Variants in TBC1D7 observed in about 807,000 individuals in gnomAD.
TBC1D7 encodes the protein TBC domain family 7.
Under a neutral mutation model 35.3 loss-of-function variants are expected in TBC1D7, and 33 were observed. That is an observed-to-expected ratio of 0.93 (90% CI 0.71 to 1.25). TBC1D7 has a LOEUF of 1.25. TBC1D7 is among the 50% of genes most tolerant of loss of function. TBC1D7 has a pLI of 0.00. For missense variants in TBC1D7, 362 were observed against 365.3 expected, an observed-to-expected ratio of 0.99 and a Z score of 0.07; for synonymous variants, 135 against 129.5, an observed-to-expected ratio of 1.04 and a Z score of -0.29.
At chr6:13,317,326 G>T (rs141720577) in intron 4 of TBC1D7, among the ~76,000 whole-genome samples, 35 of 152,260 alleles carry the variant, frequency 2.3e-4, no homozygotes, top group Admixed American at 1.2e-3. Context: ...AATTTCAACA[G>T]AGAAATCTTA....
At chr6:13,312,164 T>G (rs367553398) in intron 5 of TBC1D7, among the ~76,000 whole-genome samples, 98 of 152,258 alleles carry the variant, frequency 6.4e-4, no homozygotes, top group African/African-American at 2.3e-3. Flanking sequence ...TATGCTTGAA[T>G]GAAGTGCTCA....
chr6:13,326,499 C>T (rs916830722), intron 2 of TBC1D7, among the ~76,000 whole-genome samples: 22 of 150,740 alleles, frequency 1.5e-4, no homozygotes, highest in Middle Eastern at 3.2e-3. Context: ...CCAGAGTTAT[C>T]GCAAATTTAC....
rs1783959071 is a variant in TBC1D7 at position 13,320,557 on chromosome 6, T to C, written c.381+351A>G. The C allele has an allele frequency of 1.1e-5, 6 of 571,088 alleles. No individual in the cohort carries two copies. The Admixed American group carries it at 2.0e-4, about 19-fold the overall frequency. 35.4% of individuals were successfully genotyped at this position (571,088 alleles called of 1,614,324 possible). On this transcript the variant is annotated intron_variant, in intron 4 of 7. Transcript: ENST00000379300. ...GCTTAAAGCTACTTAGCACCTACAA[T>C]TTTTTATTTTTTAACTTTTTAAATA...
At chr6:13,308,510 C>T (rs1330794817) in intron 5 of TBC1D7, among the ~76,000 whole-genome samples, 1 of 152,172 alleles carries the variant, frequency 6.6e-6, no homozygotes, top group African/African-American at 2.4e-5. Flanking sequence ...AAGCCAGCTC[C>T]CCAAACCTGG....
At position 13,305,129 on chromosome 6, in the gene TBC1D7, T is replaced by C. The variant is rs772512962; in HGVS notation, c.854A>G (p.His285Arg). ...VSKAIDLWHK[H>R]CGTPVHSS ...GCTTGAATGGACCGGGGTCCCACAG[T>C]GTTTGTGCCACAAGTCAATGGCCTT... The change falls in exon 8 of 8, where the codon CAC becomes CGC. Residue 285 changes from histidine (H) to arginine (R), a missense_variant. Transcript: ENST00000379300. 1.2e-6 allele frequency: 2 copies of C among 1,613,832 alleles called. No homozygotes were observed. The highest frequency in any genetic ancestry group is 1.7e-6 in the Non-Finnish European group (2 of 1,179,878).
chr6:13,327,053 A>G, intron 1 of TBC1D7, 147 bp from the exon 2 acceptor site: 2 of 514,028 alleles, frequency 3.9e-6, no homozygotes, highest in South Asian at 2.8e-5. Context: ...ACCCAATATT[A>G]AATTTTTCCT....
rs1783644378 is a variant in TBC1D7 at position 13,316,647 on chromosome 6, C to G, written c.443G>C (p.Ser148Thr). The change falls in exon 5 of 8, where the codon AGT becomes ACT. Residue 148 changes from serine to threonine, a missense_variant. By Grantham distance (58) the Ser-to-Thr change is moderately conservative. Coordinates refer to ENST00000379300, the MANE Select transcript of TBC1D7 (RefSeq NM_016495.6). ...TCGGGTGATCCAGTAACAGTCGACACTATCTTCCACCATTTCCTCCATGGC... is the reference window on the plus strand; with the variant it reads ...TCGGGTGATCCAGTAACAGTCGACAGTATCTTCCACCATTTCCTCCATGGC... Reference protein sequence around the residue: ...AKAMEEMVEDSVDCYWITRRF... With the variant: ...AKAMEEMVEDTVDCYWITRRF... The G allele has an allele frequency of 1.2e-6, 2 of 1,613,986 alleles. No homozygotes were observed. The highest frequency in any genetic ancestry group is 1.3e-5 in the African/African-American group (1 of 74,896).
At chr6:13,326,562 G>C (rs1259361286) in intron 2 of TBC1D7, among the ~76,000 whole-genome samples, 7 of 151,170 alleles carry the variant, frequency 4.6e-5, no homozygotes, top group Admixed American at 3.9e-4. Context: ...TTCAATAAAA[G>C]AAAAAAATAC....
chr6:13,326,072 A>G (rs956931947), intron 2 of TBC1D7, among the ~76,000 whole-genome samples: 1 of 152,264 alleles, frequency 6.6e-6, no homozygotes, highest in South Asian at 2.1e-4. Context: ...ATCTTTAACT[A>G]CGGTTCAGTT....
rs546122443 is a variant in TBC1D7, at chr6:13,310,637, C to CAAAA, written c.520-2896_520-2893dup. On this transcript the variant is annotated intron_variant, in intron 5 of 7. Transcript: ENST00000379300. ...TGGGTGACAGAGCGAGACTCCGTCT[C>CAAAA]AAAAAAAAAAAAAAAAGAATATTGT... Among the ~76,000 whole-genome samples, 359 of 72,992 alleles carry CAAAA rather than the reference C, an allele frequency of 4.9e-3. 11 individuals carry two copies. Among genetic ancestry groups the CAAAA allele is most frequent in the African/African-American group, 0.015 (268 of 17,480 alleles). 47.9% of individuals were successfully genotyped at this position (72,992 alleles called of 152,430 possible). A position where few individuals can be genotyped will look rare whatever the true frequency, so the allele number is the denominator to read the frequency against.
rs769838434 is a variant in TBC1D7, at chr6:13,307,652, G to A, written c.613C>T (p.Leu205Phe). The A allele has an allele frequency of 1.2e-5, 20 of 1,614,144 alleles. No homozygotes were observed. Among genetic ancestry groups the A allele is most frequent in the Non-Finnish European group, 1.6e-5 (19 of 1,180,018 alleles). ...CSAAPKLPYDLWFKRCFAGCL... is the reference protein window; with the variant it reads ...CSAAPKLPYDFWFKRCFAGCL... ...CCCGCAAAGCACCTCTTGAACCAGA[G>A]ATCATAAGGAAGTTTGGGCGCCGCG... The change falls in exon 6 of 8, where the codon CTC (leucine) becomes TTC (phenylalanine). Residue 205 changes from leucine to phenylalanine, a missense_variant. Transcript: ENST00000379300.
At chr6:13,320,474 TA>T in intron 4 of TBC1D7, 3 of 442,166 alleles carry the variant, frequency 6.8e-6, no homozygotes, top group South Asian at 6.4e-5. Flanking sequence ...AAAATGTGTT[TA>T]AAAAAATACG....
intron 2 of TBC1D7, among the ~76,000 whole-genome samples, chr6:13,325,390 C>T (rs533439421): frequency 3.3e-5 from 5 of 152,290 alleles, no homozygotes; most frequent in African/African-American, 4.8e-5. Flanking sequence ...CGGCCAGGCA[C>T]GGTGGCTCAT....
chr6:13,306,197 C>G, intron 7 of TBC1D7: 1 of 401,298 alleles, frequency 2.5e-6, no homozygotes, highest in Non-Finnish European at 4.2e-6. Context: ...TTTCTAGATT[C>G]AAAATCAAAT....
intron 3 of TBC1D7, 28 bp from the exon 4 acceptor site, chr6:13,321,123 G>A (rs1477747349): frequency 2.5e-6 from 4 of 1,585,394 alleles, no homozygotes; most frequent in Non-Finnish European, 3.4e-6. Context: ...AACGAAAAAA[G>A]GACAAAATAC....
At position 13,316,676 on chromosome 6, in the gene TBC1D7, A is replaced by G. The variant is rs1361687169; in HGVS notation, c.414T>C (p.Ala138=). Residue 138 remains alanine, a synonymous_variant, in exon 5 of 8, where the codon GCT becomes GCC. Transcript: ENST00000379300. ...EPDDEVFLAI[A]KAMEEMVEDS... ...CTTCCACCATTTCCTCCATGGCTTT[A>G]GCTATGGCAAGAAACACTTCATCAT... 2.5e-6 allele frequency: 4 copies of G among 1,614,048 alleles called. No homozygotes were observed. The highest frequency in any genetic ancestry group is 2.2e-5 in the East Asian group (1 of 44,906).
At chr6:13,325,002 A>T (rs1784307751) in intron 3 of TBC1D7, 92 bp downstream of exon 3, 2 of 972,292 alleles carry the variant, frequency 2.1e-6, no homozygotes, top group African/African-American at 3.3e-5. Context: ...AAAGGCCTAA[A>T]CAAATTCTCC....
chr6:13,324,765 A>C (rs1199500086), intron 3 of TBC1D7, among the ~76,000 whole-genome samples: 1 of 152,226 alleles, frequency 6.6e-6, no homozygotes, highest in African/African-American at 2.4e-5. Context: ...AATTTAGCTC[A>C]AAAGCTTCAG....
intron 4 of TBC1D7, 172 bp downstream of exon 4, chr6:13,320,736 G>C: frequency 2.7e-6 from 2 of 736,430 alleles, no homozygotes; most frequent in Non-Finnish European, 4.9e-6. Flanking sequence ...AAGTAAGAAG[G>C]TTGGGTCAGA....
Sources: allele counts gnomAD v4.1 joint callset (sites outside exome capture counted in the v4.1 genomes callset), GRCh38; gene constraint gnomAD v4.1.1; transcripts MANE v1.5; gene names NCBI Gene and HGNC (gene_info 2026-07-23, HGNC 2026-07-21).